PCDHGA1: variants seen among roughly 807,000 people sequenced by gnomAD.
The protein encoded by PCDHGA1 is protocadherin gamma-A1.
A neutral mutation model predicts 58.0 loss-of-function variants in PCDHGA1; 32 were observed. The ratio of observed to expected loss-of-function variants is 0.55; its 90% CI spans 0.42 to 0.74. The LOEUF is 0.74. PCDHGA1 is among the 30% of genes least tolerant of loss of function. The probability of loss-of-function intolerance (pLI) is 0.00; values close to 1 mark genes in which losing one functional copy is unlikely to be tolerated. For synonymous variants in PCDHGA1, 498 were observed against 501.1 expected, an observed-to-expected ratio of 0.99 and a Z score of 0.08; for missense variants, 1,205 against 1,182.3, an observed-to-expected ratio of 1.02 and a Z score of -0.28.
intron 1 of PCDHGA1, chr5:141,394,722 G>A (rs1483795023): frequency 2.5e-6 from 4 of 1,613,314 alleles, no homozygotes; most frequent in Admixed American, 3.3e-5. Flanking sequence ...GGACAGAGAT[G>A]CGCTCAAGCA....
At chr5:141,443,113 T>C (rs2098364390) in intron 1 of PCDHGA1, among the ~76,000 whole-genome samples, 1 of 152,040 alleles carries the variant, frequency 6.6e-6, no homozygotes, top group African/African-American at 2.4e-5. Flanking sequence ...ACCTTGCTTT[T>C]CAAACCAGAT....
chr5:141,429,105 C>A (rs936114624), intron 1 of PCDHGA1: 2 of 152,318 alleles, frequency 1.3e-5, no homozygotes, highest in African/African-American at 4.8e-5. Flanking sequence ...CTGCCCGCCT[C>A]GGCCTCCCAA....
chr5:141,341,287 G>C, intron 1 of PCDHGA1: 1 of 1,614,234 alleles, frequency 6.2e-7, no homozygotes, highest in East Asian at 2.2e-5. Context: ...TTTTCCCCCA[G>C]CCCAACTATG....
intron 1 of PCDHGA1, chr5:141,370,659 C>A: frequency 6.2e-7 from 1 of 1,613,780 alleles, no homozygotes; most frequent in Admixed American, 1.7e-5. Context: ...TGTGAGCGAC[C>A]GTATAGACCG....
intron 1 of PCDHGA1, chr5:141,400,116 C>G (rs2093964416): frequency 6.2e-7 from 1 of 1,614,086 alleles, no homozygotes; most frequent in African/African-American, 1.3e-5. Context: ...TTGCTGACAG[C>G]TTGCAGGAGG....
intron 3 of PCDHGA1, among the ~76,000 whole-genome samples, chr5:141,506,146 T>C (rs1014881418): frequency 6.6e-6 from 1 of 152,086 alleles, no homozygotes; most frequent in African/African-American, 2.4e-5. Context: ...AAGAATATCA[T>C]TTGTCCTTAA....
intron 1 of PCDHGA1, chr5:141,423,496 G>A (rs1049120602): frequency 1.2e-6 from 2 of 1,613,804 alleles, no homozygotes; most frequent in African/African-American, 1.3e-5. Flanking sequence ...CTATTCCCAC[G>A]AGGTCTCTCT....
At chr5:141,366,704 C>T in intron 1 of PCDHGA1, 1 of 1,614,250 alleles carries the variant, frequency 6.2e-7, no homozygotes, top group Non-Finnish European at 8.5e-7. Flanking sequence ...CGAGCCTCTT[C>T]TGATGTCTGA....
chr5:141,361,069 G>C, intron 1 of PCDHGA1: 1 of 1,613,910 alleles, frequency 6.2e-7, no homozygotes, highest in Non-Finnish European at 8.5e-7. Flanking sequence ...TTTTGAGATT[G>C]CAAGTAGTTA....
At chr5:141,447,136 TTTTTTG>T (rs1304915683) in intron 1 of PCDHGA1, among the ~76,000 whole-genome samples, 4 of 152,090 alleles carry the variant, frequency 2.6e-5, no homozygotes, top group Admixed American at 6.6e-5. Context: ...TGTTTGTTTG[TTTTTTG>T]TTTTTGTTTT....
At chr5:141,404,023 A>G in intron 1 of PCDHGA1, 1 of 1,613,874 alleles carries the variant, frequency 6.2e-7, no homozygotes, top group South Asian at 1.1e-5. Context: ...GCCCAGTGAG[A>G]GAAGACGCAC....
chr5:141,428,056 C>T (rs2097104330), intron 1 of PCDHGA1: 3 of 1,609,000 alleles, frequency 1.9e-6, no homozygotes, highest in African/African-American at 1.3e-5. Flanking sequence ...AAGGTGGTGG[C>T]GGTGGACGCA....
intron 1 of PCDHGA1, among the ~76,000 whole-genome samples, chr5:141,475,504 T>C (rs1202550150): frequency 1.3e-5 from 2 of 152,254 alleles, no homozygotes; most frequent in Non-Finnish European, 2.9e-5. Flanking sequence ...AAATTATTAA[T>C]GTCTCCACGG....
At chr5:141,509,117 G>A (rs1271574654) in intron 3 of PCDHGA1, among the ~76,000 whole-genome samples, 1 of 152,150 alleles carries the variant, frequency 6.6e-6, no homozygotes, top group Admixed American at 6.5e-5. Flanking sequence ...GCGCTGGTGC[G>A]TGAAGAGAAA....
intron 1 of PCDHGA1, chr5:141,346,638 GT>G (rs1757785998): frequency 1.1e-6 from 1 of 911,562 alleles, no homozygotes; most frequent in Non-Finnish European, 1.6e-6. Flanking sequence ...TCTGGTTATG[GT>G]TGAGTGGGCT....
At chr5:141,455,860 A>ATTAT (rs145569377) in intron 1 of PCDHGA1, among the ~76,000 whole-genome samples, 7,190 of 139,786 alleles carry the variant, frequency 0.051, 228 homozygotes, top group South Asian at 0.064. Context: ...AATTTCTTTT[A>ATTAT]TTATTTATTT....
chr5:141,395,547 TGTGTGTGTG>T (rs754815609), intron 1 of PCDHGA1: 25,854 of 174,180 alleles, frequency 0.15, 2,316 homozygotes, highest in South Asian at 0.18. Flanking sequence ...ATTGTTTGTG[TGTGTGTGTG>T]TGTGTGTGTG....
At chr5:141,394,373 C>T in intron 1 of PCDHGA1, 12 of 1,614,206 alleles carry the variant, frequency 7.4e-6, no homozygotes, top group Non-Finnish European at 1.0e-5. Context: ...TGCAATCTTT[C>T]GACTATGAGC....
chr5:141,331,394 AC>A lies in PCDHGA1; in HGVS notation c.711del (p.Asp237GlufsTer13), dbSNP rs1756355123. ...RIYIQVVDAN[D>X]NPPAFTQAQY... is the part of the protein sequence containing the mutation. ...TACATTCAGGTGGTGGATGCAAATG[AC>A]AATCCTCCAGCATTTACTCAGGCAC... On this transcript the variant is annotated frameshift_variant, in exon 1 of 4. Transcript: ENST00000517417. LOFTEE classifies it high-confidence loss of function. 1 of 1,614,026 alleles carries A rather than the reference AC, an allele frequency of 6.2e-7. No individual in the cohort carries two copies. Among genetic ancestry groups the A allele is most frequent in the Admixed American group, 1.7e-5 (1 of 59,996 alleles).
Sources: gnomAD v4.1 joint callset for allele counts (sites outside exome capture counted in the v4.1 genomes callset) on GRCh38, gnomAD v4.1.1 for gene constraint, MANE v1.5 for transcripts, NCBI Gene and HGNC (gene_info 2026-07-23, HGNC 2026-07-21) for gene names.